Variants in RBFOX1 observed in about 807,000 individuals in gnomAD.
RBFOX1 encodes RNA binding fox-1 homolog 1.
In RBFOX1, 8 loss-of-function variants were observed where a neutral mutation model predicts 57.7. The observed-to-expected ratio is 0.14, with a 90% CI of 0.08 to 0.25. The LOEUF (loss-of-function observed/expected upper bound fraction) is 0.25, where lower values mean the gene tolerates loss of function less well. Among genes scored for constraint, RBFOX1 ranks in the 10% least tolerant of loss-of-function variants. RBFOX1 has a pLI of 1.00. For missense variants in RBFOX1, 611 were observed against 548.5 expected (o/e 1.11, Z -1.14); for synonymous variants, 326 against 222.4 (o/e 1.47, Z -4.15).
intron 3 of RBFOX1, among the ~76,000 whole-genome samples, chr16:5,661,130 C>T (rs76280634): frequency 0.037 from 5,645 of 152,286 alleles, 352 homozygotes; most frequent in African/African-American, 0.13. Flanking sequence ...GGCCTCCTGT[C>T]TTTCCTCACT....
chr16:6,711,969 C>T (rs186322120), intron 3 of RBFOX1, among the ~76,000 whole-genome samples: 1 of 152,274 alleles, frequency 6.6e-6, no homozygotes, highest in African/African-American at 2.4e-5. Context: ...GTAGCTGTAG[C>T]ATTTTGTATA....
chr16:7,064,254 C>A (rs531211187), intron 4 of RBFOX1, among the ~76,000 whole-genome samples: 1 of 150,830 alleles, frequency 6.6e-6, no homozygotes, highest in Non-Finnish European at 1.5e-5. Context: ...CTGCAACTTC[C>A]GCCTCCCAGG....
chr16:7,085,941 C>T (rs1050906123), intron 4 of RBFOX1, among the ~76,000 whole-genome samples: 3 of 152,126 alleles, frequency 2.0e-5, no homozygotes, highest in African/African-American at 7.2e-5. Flanking sequence ...TTCATGGGCT[C>T]TAAAATGTAC....
chr16:6,715,993 G>A (rs1326547050), intron 3 of RBFOX1, among the ~76,000 whole-genome samples: 1 of 140,590 alleles, frequency 7.1e-6, no homozygotes, highest in Non-Finnish European at 1.5e-5. Flanking sequence ...GCCCAACTCT[G>A]TGGGGCCATT....
chr16:7,007,378 G>C (rs1470648282), intron 3 of RBFOX1, among the ~76,000 whole-genome samples: 1 of 152,132 alleles, frequency 6.6e-6, no homozygotes, highest in Non-Finnish European at 1.5e-5. Flanking sequence ...AGAAAGTCTT[G>C]TGTTTTAAAG....
chr16:7,065,674 A>G (rs1248418637), intron 4 of RBFOX1, among the ~76,000 whole-genome samples: 1 of 152,154 alleles, frequency 6.6e-6, no homozygotes, highest in Non-Finnish European at 1.5e-5. Flanking sequence ...CTTAAAATTT[A>G]CGCTCTCAGC....
At chr16:5,543,809 A>G (rs2045068167) in intron 2 of RBFOX1, among the ~76,000 whole-genome samples, 2 of 152,214 alleles carry the variant, frequency 1.3e-5, no homozygotes, top group African/African-American at 4.8e-5. Flanking sequence ...GATTACTTAC[A>G]GAGCCACAAA....
chr16:6,939,944 A>G (rs1369336677), intron 3 of RBFOX1, among the ~76,000 whole-genome samples: 2 of 152,240 alleles, frequency 1.3e-5, no homozygotes, highest in African/African-American at 4.8e-5. Context: ...TAAATGATAT[A>G]GCAGGAATGA....
chr16:6,077,229 T>G (rs2095916500), intron 1 of RBFOX1, among the ~76,000 whole-genome samples: 1 of 152,180 alleles, frequency 6.6e-6, no homozygotes, highest in Non-Finnish European at 1.5e-5. Context: ...TGCTGACATT[T>G]CAGAGATGGG....
In RBFOX1 at chr16:6,416,010, C is replaced by G. The variant is rs756874332; in HGVS notation, c.-64+98953C>G. On this transcript the variant is annotated intron_variant, in intron 2 of 15. Coordinates refer to ENST00000550418, the MANE Select transcript of RBFOX1 (RefSeq NM_018723.4). ...CACCTGCCAGCGTTGTCATCCTAAA[C>G]TGTTGCTGCTGTTTCTGAGATGAGC... 1.1e-4 allele frequency among the ~76,000 whole-genome samples: 17 copies of G among 152,202 alleles called. No individual in the cohort carries two copies. The South Asian group carries it at 1.5e-3, about 13-fold the overall frequency.
At chr16:7,026,958 G>A (rs1725735396) in intron 3 of RBFOX1, among the ~76,000 whole-genome samples, 1 of 152,178 alleles carries the variant, frequency 6.6e-6, no homozygotes, top group Non-Finnish European at 1.5e-5. Flanking sequence ...GTGCTTGGGT[G>A]CTTTGCCCTC....
chr16:6,455,049 ATTTTT>A (rs34643206), intron 2 of RBFOX1, among the ~76,000 whole-genome samples: 1 of 142,466 alleles, frequency 7.0e-6, no homozygotes, highest in African/African-American at 2.6e-5. Flanking sequence ...TGCCTGGCTA[ATTTTT>A]TTTTTTTTTT....
chr16:6,441,147 C>T (rs541879157), intron 2 of RBFOX1, among the ~76,000 whole-genome samples: 1 of 152,196 alleles, frequency 6.6e-6, no homozygotes, highest in South Asian at 2.1e-4. Flanking sequence ...AGGGAACATG[C>T]CCTGGGGGGT....
intron 3 of RBFOX1, among the ~76,000 whole-genome samples, chr16:5,712,090 G>T (rs79832728): frequency 4.6e-5 from 7 of 152,150 alleles, no homozygotes; most frequent in Non-Finnish European, 1.0e-4. Context: ...AGAAGTGAAG[G>T]GGGAGGAGCC....
chr16:6,760,255 T>C (rs2076417506), intron 3 of RBFOX1, among the ~76,000 whole-genome samples: 1 of 152,162 alleles, frequency 6.6e-6, no homozygotes, highest in Admixed American at 6.6e-5. Context: ...AAATTGCAAA[T>C]GGTTTAAAAA....
chr16:6,266,430 C>G (rs2074500468), intron 1 of RBFOX1, among the ~76,000 whole-genome samples: 1 of 152,166 alleles, frequency 6.6e-6, no homozygotes, highest in African/African-American at 2.4e-5. Flanking sequence ...TATTTACTAA[C>G]AGGCCAGACA....
In RBFOX1 at chr16:6,473,412, C is replaced by G. The variant is rs546451865; in HGVS notation, c.-64+156355C>G. On this transcript the variant is annotated intron_variant, in intron 2 of 15. Coordinates refer to ENST00000550418, the MANE Select transcript of RBFOX1 (RefSeq NM_018723.4). ...CTAGCATCTTATCGAAGGTATGTATCTCCACTGACTCACCCCCATTTCATC... is the reference window on the plus strand; with the variant it reads ...CTAGCATCTTATCGAAGGTATGTATGTCCACTGACTCACCCCCATTTCATC... 4.4e-4 allele frequency among the ~76,000 whole-genome samples: 67 copies of G among 152,212 alleles called. 2 individuals are homozygous for G. The highest frequency in any genetic ancestry group is 1.5e-3 in the African/African-American group (64 of 41,520).
chr16:6,550,249 C>G (rs1343333730), intron 2 of RBFOX1, among the ~76,000 whole-genome samples: 2 of 152,128 alleles, frequency 1.3e-5, no homozygotes, highest in Admixed American at 6.5e-5. Flanking sequence ...GTGATCTCAG[C>G]TCACTGCAAC....
At chr16:7,308,440 A>C (rs1375801276) in intron 4 of RBFOX1, among the ~76,000 whole-genome samples, 1 of 152,180 alleles carries the variant, frequency 6.6e-6, no homozygotes, top group African/African-American at 2.4e-5. Context: ...TCCACTGAGA[A>C]CCTTTTTATC....
Sources: allele counts gnomAD v4.1 joint callset (sites outside exome capture counted in the v4.1 genomes callset), GRCh38; gene constraint gnomAD v4.1.1; transcripts MANE v1.5; gene names NCBI Gene and HGNC (gene_info 2026-07-23, HGNC 2026-07-21).